CPAMD8: variants seen among roughly 807,000 people sequenced by gnomAD.
CPAMD8 encodes the protein C3 and PZP-like alpha-2-macroglobulin domain-containing protein 8.
A neutral mutation model predicts 224.7 loss-of-function variants in CPAMD8; 146 were observed. The observed-to-expected ratio is 0.65, with a 90% confidence interval of 0.57 to 0.75. The LOEUF is 0.75. Among genes scored for constraint, CPAMD8 ranks in the 30% least tolerant of loss-of-function variants. The pLI is 0.00. For synonymous variants in CPAMD8, 966 were observed against 1,044.6 expected, an observed-to-expected ratio of 0.92 and a Z score of 1.45; for missense variants, 2,301 against 2,537.5, an observed-to-expected ratio of 0.91 and a Z score of 2.00.
rs1285160891 is a variant in CPAMD8 at position 16,899,425 on chromosome 19, C to A, written c.4848+50G>T. 5.9e-6 allele frequency: 5 copies of A among 853,028 alleles called. No homozygotes were observed. The highest frequency in any genetic ancestry group is 1.0e-5 in the Non-Finnish European group (5 of 486,376). 52.8% of individuals were successfully genotyped at this position (853,028 alleles called of 1,614,324 possible). Reference sequence around the variant, plus strand: ...CCAGGCAGTGACCGGTGCACCCTCACCAACATGCACACCAGGGAAGCCTCC... The same window carrying A: ...CCAGGCAGTGACCGGTGCACCCTCAACAACATGCACACCAGGGAAGCCTCC... On this transcript the variant is annotated intron_variant, in intron 37 of 41. Transcript: ENST00000443236. The surrounding 1 kb of genome is among the most constrained non-coding windows in gnomAD (Gnocchi z 5.4).
intron 3 of CPAMD8, among the ~76,000 whole-genome samples, chr19:17,018,922 A>AAG (rs2056883485): frequency 7.0e-6 from 1 of 143,324 alleles, no homozygotes; most frequent in African/African-American, 2.6e-5. Flanking sequence ...AAAAAAAAGA[A>AAG]AAAAAAAACC....
At chr19:16,901,543 A>T (rs2052258449) in intron 35 of CPAMD8, among the ~76,000 whole-genome samples, 1 of 152,200 alleles carries the variant, frequency 6.6e-6, no homozygotes, top group African/African-American at 2.4e-5. Context: ...AGGTCTCTTG[A>T]CTAAGCATTG....
At chr19:17,012,878 C>T (rs1599914118) in intron 3 of CPAMD8, among the ~76,000 whole-genome samples, 1 of 152,296 alleles carries the variant, frequency 6.6e-6, no homozygotes, top group Non-Finnish European at 1.5e-5. Context: ...CTGTGTTTGC[C>T]TCACTCTAAA....
In CPAMD8 at chr19:16,952,034, TGA is replaced by T; in HGVS notation, c.2441_2442del (p.Leu814HisfsTer22). ...ATCTTGACCTGCTCCCCACGGATGA[TGA>T]GAGCGGGGAGCATGAAGTCCACGAA... is the stretch of plus-strand genomic sequence containing the variant. Reference protein sequence around the residue: ...PFFVDFMLPALIIRGEQVKIP... With the variant: ...PFFVDFMLPAXIIRGEQVKIP... On this transcript the variant is annotated frameshift_variant, in exon 20 of 42. Transcript: ENST00000443236. LOFTEE classifies it high-confidence loss of function. The T allele has an allele frequency of 6.3e-7, 1 of 1,584,446 alleles. No homozygotes were observed. Among genetic ancestry groups the T allele is most frequent in the African/African-American group, 1.3e-5 (1 of 74,496 alleles).
At chr19:16,982,747 G>A (rs965699275) in intron 13 of CPAMD8, among the ~76,000 whole-genome samples, 2 of 152,062 alleles carry the variant, frequency 1.3e-5, no homozygotes, top group African/African-American at 2.4e-5. Context: ...GCTGAGGCAG[G>A]AGGATCACTT....
chr19:16,946,320 T>C (rs1299814783), intron 21 of CPAMD8, among the ~76,000 whole-genome samples: 2 of 146,668 alleles, frequency 1.4e-5, no homozygotes, highest in Non-Finnish European at 3.0e-5. Flanking sequence ...CATGTGCGTG[T>C]GTGGATTTGT....
At chr19:16,931,252 C>T (rs537740581) in intron 23 of CPAMD8, among the ~76,000 whole-genome samples, 1 of 152,182 alleles carries the variant, frequency 6.6e-6, no homozygotes, top group African/African-American at 2.4e-5. Flanking sequence ...GTCGGCCCAG[C>T]CCAGCTCTGT....
In CPAMD8 at chr19:17,011,769, G is replaced by A; in HGVS notation, c.268-12C>T. On this transcript the variant is annotated splice_polypyrimidine_tract_variant and intron_variant, in intron 3 of 41. Transcript: ENST00000443236. ...AGGCCCGTGGGCACCTGCAGGCAGA[G>A]GAAGGAGCTTTGGGACAAGAATTCA... The A allele has an allele frequency of 3.7e-6, 6 of 1,610,864 alleles. No individual in the cohort carries two copies. The highest frequency in any genetic ancestry group is 3.4e-6 in the Non-Finnish European group (4 of 1,178,866).
intron 13 of CPAMD8, among the ~76,000 whole-genome samples, chr19:16,981,082 T>G (rs1346077313): frequency 7.3e-6 from 1 of 136,162 alleles, no homozygotes; most frequent in Non-Finnish European, 1.5e-5. Flanking sequence ...CCCAGTATTT[T>G]GGGCTCACGC....
At chr19:16,948,904 AAG>A (rs2054204836) in intron 20 of CPAMD8, among the ~76,000 whole-genome samples, 1 of 75,760 alleles carries the variant, frequency 1.3e-5, no homozygotes. Context: ...AAGGGAAGGG[AAG>A]GGAAGGGAAA....
chr19:16,931,441 G>C (rs1426205179), intron 23 of CPAMD8, among the ~76,000 whole-genome samples: 1 of 152,108 alleles, frequency 6.6e-6, no homozygotes, highest in South Asian at 2.1e-4. Flanking sequence ...AAGGAGGTTG[G>C]CCTACCCAGC....
intron 39 of CPAMD8, chr19:16,897,490 C>T: frequency 1.8e-6 from 1 of 564,238 alleles, no homozygotes; most frequent in East Asian, 3.1e-5. Context: ...CCCCCAGCCA[C>T]GCCCCTCCCC....
chr19:16,937,774 T>A (rs2053745510), intron 23 of CPAMD8, among the ~76,000 whole-genome samples: 1 of 150,620 alleles, frequency 6.6e-6, no homozygotes, highest in Non-Finnish European at 1.5e-5. Context: ...TGCCTCAGCC[T>A]CCTGAGCAGC....
chr19:16,954,780 C>G (rs1449788932), intron 19 of CPAMD8, among the ~76,000 whole-genome samples: 1 of 151,936 alleles, frequency 6.6e-6, no homozygotes, highest in South Asian at 2.1e-4. Flanking sequence ...GTCAGGAAAT[C>G]GAGATCATCC....
At chr19:17,001,860 G>T (rs1359514325) in intron 9 of CPAMD8, among the ~76,000 whole-genome samples, 1 of 151,688 alleles carries the variant, frequency 6.6e-6, no homozygotes, top group Non-Finnish European at 1.5e-5. Context: ...CAGGGAGGGG[G>T]TGCCCCCAGG....
chr19:17,013,040 C>G (rs10417631), intron 3 of CPAMD8, among the ~76,000 whole-genome samples: 138,043 of 151,902 alleles, frequency 0.91, 62,928 homozygotes, highest in Middle Eastern at 0.96. Flanking sequence ...AATTAGCCAG[C>G]TGTGGTGGTG....
At chr19:16,904,176 A>AGGGCGCC in intron 32 of CPAMD8, 50 bp downstream of exon 32, 1 of 937,340 alleles carries the variant, frequency 1.1e-6, no homozygotes, top group Non-Finnish European at 1.7e-6. Context: ...GACTGCAGGG[A>AGGGCGCC]CCCCACCCAC....
At chr19:16,956,230 G>A (rs149468917) in intron 19 of CPAMD8, among the ~76,000 whole-genome samples, 1 of 152,154 alleles carries the variant, frequency 6.6e-6, no homozygotes, top group East Asian at 1.9e-4. Context: ...TTTCAACCAT[G>A]TGGAAATCCA....
At position 16,896,257 on chromosome 19, in the gene CPAMD8, A is replaced by G. The variant is rs1224346602; in HGVS notation, c.5345T>C (p.Leu1782Ser). ...TCCATTCAGCTTCACGTCCTGCTGT[A>G]AAGGCCCCGGGGCCACAGAAGCCAG... ...DDLASVAPGP[L>S]QQDVKLNGAG... Residue 1782 changes from leucine (L) to serine (S), a missense_variant, in exon 41 of 42, where the codon TTA (leucine) becomes TCA (serine). Physicochemically the swap from Leu to Ser is moderately radical, Grantham distance 145. This residue lies in a region of CPAMD8 where 1,709 missense variants were observed against 1,753.2 expected (regional missense o/e 0.97). Coordinates refer to ENST00000443236, the MANE Select transcript of CPAMD8 (RefSeq NM_015692.5). 1 of 1,613,494 alleles carries G rather than the reference A, an allele frequency of 6.2e-7. No individual in the cohort carries two copies. Among genetic ancestry groups the G allele is most frequent in the Admixed American group, 1.7e-5 (1 of 60,010 alleles).
Sources: allele counts gnomAD v4.1 joint callset (sites outside exome capture counted in the v4.1 genomes callset), GRCh38; gene constraint gnomAD v4.1.1; regional missense constraint gnomAD v4.1.1; non-coding constraint Gnocchi (gnomAD v3.1); transcripts MANE v1.5; gene names NCBI Gene and HGNC (gene_info 2026-07-23, HGNC 2026-07-21).